Variants in CLEC2A observed in about 807,000 individuals in gnomAD.
CLEC2A encodes keratinocyte-associated C-type lectin.
In CLEC2A, 19 loss-of-function variants were observed where a neutral mutation model predicts 18.6. The observed-to-expected ratio is 1.02, with a 90% CI of 0.71 to 1.50. The LOEUF (loss-of-function observed/expected upper bound fraction) is 1.50, where lower values mean the gene tolerates loss of function less well. Ranked by LOEUF, CLEC2A falls within the 40% of genes most tolerant of loss-of-function variation. The probability of loss-of-function intolerance (pLI) is 0.00; values close to 1 mark genes in which losing one functional copy is unlikely to be tolerated. For synonymous variants in CLEC2A, 74 were observed against 64.0 expected (o/e 1.16, Z -0.75); for missense variants, 190 against 207.9 (o/e 0.91, Z 0.53).
At chr12:9,912,699 T>C (rs1171126389), downstream of CLEC2A, among the ~76,000 whole-genome samples, 1 of 150,330 alleles carries the variant, frequency 6.7e-6, no homozygotes, top group Admixed American at 6.6e-5. Context: ...GATGCTCTGC[T>C]AGAGCACTTC....
At chr12:9,917,448 A>G (rs1251477303) in intron 3 of CLEC2A, among the ~76,000 whole-genome samples, 1 of 152,232 alleles carries the variant, frequency 6.6e-6, no homozygotes, top group Non-Finnish European at 1.5e-5. Flanking sequence ...CATCATTTAC[A>G]TAGGCACTGA....
chr12:9,902,658 G>A (rs979986483), intron 4 of CLEC2A, among the ~76,000 whole-genome samples: 25 of 149,616 alleles, frequency 1.7e-4, no homozygotes, highest in Non-Finnish European at 2.7e-4. Flanking sequence ...AAAAAAAAAA[G>A]AAAGAAACAA....
At chr12:9,885,238 G>A in the CLEC2A span, among the ~76,000 whole-genome samples, 1 of 151,540 alleles carries the variant, frequency 6.6e-6, no homozygotes, top group Admixed American at 6.6e-5. Flanking sequence ...ACCCCCAATA[G>A]AGGTTGACTT....
chr12:9,907,071 T>G (rs1862917139), intron 4 of CLEC2A, among the ~76,000 whole-genome samples: 1 of 152,210 alleles, frequency 6.6e-6, no homozygotes, highest in Non-Finnish European at 1.5e-5. Context: ...CTTTCTTCAG[T>G]CAGTAATGTG....
downstream of CLEC2A, chr12:9,898,630 G>A (rs893802213): frequency 9.2e-5 from 33 of 358,692 alleles, no homozygotes; most frequent in African/African-American, 6.2e-4. Flanking sequence ...CATAATAAAT[G>A]GAACAGCTAT....
At chr12:9,901,104 T>C (rs1021386871) in intron 4 of CLEC2A, among the ~76,000 whole-genome samples, 2 of 152,210 alleles carry the variant, frequency 1.3e-5, no homozygotes, top group Non-Finnish European at 2.9e-5. Context: ...ATCAATAATA[T>C]TCCAAGCAAA....
chr12:9,906,120 T>C (rs1410542705), intron 4 of CLEC2A, among the ~76,000 whole-genome samples: 1 of 151,788 alleles, frequency 6.6e-6, no homozygotes, highest in Non-Finnish European at 1.5e-5. Flanking sequence ...TCACACATAG[T>C]TTGGGGTCCC....
intron 3 of CLEC2A, among the ~76,000 whole-genome samples, chr12:9,918,807 T>G (rs1863115863): frequency 6.6e-6 from 1 of 152,216 alleles, no homozygotes; most frequent in African/African-American, 2.4e-5. Flanking sequence ...ATTAATTCTG[T>G]CTCATCTCTG....
chr12:9,916,953 G>GA (rs1335479632), intron 3 of CLEC2A, 150 bp from the exon 4 acceptor site: 1 of 550,892 alleles, frequency 1.8e-6, no homozygotes, highest in Non-Finnish European at 3.2e-6. Flanking sequence ...CACAGATGTT[G>GA]ATGTTTGGGT....
At chr12:9,895,506 G>A (rs1862746692), downstream of CLEC2A, among the ~76,000 whole-genome samples, 2 of 152,228 alleles carry the variant, frequency 1.3e-5, no homozygotes, top group Non-Finnish European at 2.9e-5. Context: ...AGCTTGCATG[G>A]TGTTGTTACC....
chr12:9,884,196 T>C, the CLEC2A span, among the ~76,000 whole-genome samples: 25 of 152,240 alleles, frequency 1.6e-4, no homozygotes, highest in Admixed American at 1.4e-3. Context: ...TACATGCCCC[T>C]GTTTAACCTC....
At chr12:9,916,896 T>A in intron 3 of CLEC2A, 93 bp from the exon 4 acceptor site, 1 of 741,628 alleles carries the variant, frequency 1.3e-6, no homozygotes, top group Non-Finnish European at 2.3e-6. Flanking sequence ...TCTTTTAGGA[T>A]TCACATTCTA....
intron 2 of CLEC2A, among the ~76,000 whole-genome samples, chr12:9,925,366 A>G (rs900597027): frequency 1.3e-5 from 2 of 152,244 alleles, no homozygotes; most frequent in Non-Finnish European, 2.9e-5. Flanking sequence ...AAGGAATGCT[A>G]CAATTATGAA....
downstream of CLEC2A, among the ~76,000 whole-genome samples, chr12:9,897,700 A>G (rs1862772210): frequency 6.7e-6 from 1 of 149,448 alleles, no homozygotes; most frequent in Non-Finnish European, 1.5e-5. Flanking sequence ...GCTCTACCCC[A>G]TTCTCCCAAT....
chr12:9,881,407 C>T, the CLEC2A span: 2 of 526,708 alleles, frequency 3.8e-6, no homozygotes, highest in Non-Finnish European at 6.7e-6. Flanking sequence ...AAGCTTATAT[C>T]CATTTTCATT....
intron 3 of CLEC2A, among the ~76,000 whole-genome samples, chr12:9,920,388 C>T (rs1317127355): frequency 6.6e-6 from 1 of 152,062 alleles, no homozygotes; most frequent in East Asian, 1.9e-4. Flanking sequence ...CTGAAGGCCC[C>T]GGTGGAGTTG....
intron 2 of CLEC2A, 35 bp downstream of exon 2, chr12:9,926,225 A>T: frequency 8.0e-7 from 1 of 1,255,398 alleles, no homozygotes; most frequent in Non-Finnish European, 1.1e-6. Flanking sequence ...TCAGGAGTGA[A>T]GAACCATAGA....
intron 4 of CLEC2A, among the ~76,000 whole-genome samples, chr12:9,915,627 C>A (rs1443430985): frequency 6.6e-6 from 1 of 152,144 alleles, no homozygotes; most frequent in African/African-American, 2.4e-5. Flanking sequence ...ACTGCATGTT[C>A]TCACTCATAA....
intron 4 of CLEC2A, among the ~76,000 whole-genome samples, chr12:9,900,774 C>T (rs1410915781): frequency 6.6e-6 from 1 of 152,160 alleles, no homozygotes; most frequent in Non-Finnish European, 1.5e-5. Context: ...AGTTTCCCCA[C>T]TGGACTTTTA....
Sources: gnomAD v4.1 joint callset for allele counts (sites outside exome capture counted in the v4.1 genomes callset) on GRCh38, gnomAD v4.1.1 for gene constraint, MANE v1.5 for transcripts, NCBI Gene and HGNC (gene_info 2026-07-23, HGNC 2026-07-21) for gene names.